The following VAV3 variants were observed in gnomAD, a reference collection of about 807,000 sequenced individuals.
VAV3 encodes the protein guanine nucleotide exchange factor VAV3.
A neutral mutation model predicts 131.2 loss-of-function variants in VAV3; 94 were observed. The ratio of observed to expected loss-of-function variants is 0.72; its 90% CI spans 0.61 to 0.85. VAV3 has a LOEUF of 0.85. VAV3 is among the 40% of genes least tolerant of loss of function. The pLI is 0.00. For synonymous variants in VAV3, 349 were observed against 342.0 expected (o/e 1.02, Z -0.22); for missense variants, 939 against 1,002.7 (o/e 0.94, Z 0.86).
chr1:107,738,788 T>C (rs1343927358), intron 15 of VAV3, among the ~76,000 whole-genome samples: 3 of 152,198 alleles, frequency 2.0e-5, no homozygotes, highest in Non-Finnish European at 4.4e-5. Context: ...GTGGAGACTT[T>C]GTCATATACT....
At chr1:107,743,053 A>G (rs1200328454) in intron 15 of VAV3, among the ~76,000 whole-genome samples, 1 of 152,142 alleles carries the variant, frequency 6.6e-6, no homozygotes, top group African/African-American at 2.4e-5. Context: ...ATTCTCTAAG[A>G]ACTGAAACAC....
At chr1:107,916,847 A>G (rs1291456312) in intron 1 of VAV3, among the ~76,000 whole-genome samples, 1 of 152,170 alleles carries the variant, frequency 6.6e-6, no homozygotes, top group Non-Finnish European at 1.5e-5. Context: ...GATTCAGGAG[A>G]AACATCATGG....
At chr1:107,722,754 C>A (rs763904698) in intron 15 of VAV3, among the ~76,000 whole-genome samples, 1 of 151,534 alleles carries the variant, frequency 6.6e-6, no homozygotes, top group Admixed American at 6.6e-5. Context: ...CTTTAAGATA[C>A]CTTGGGCTTC....
At chr1:107,804,008 G>T (rs80235198) in intron 2 of VAV3, among the ~76,000 whole-genome samples, 22,969 of 151,864 alleles carry the variant, frequency 0.15, 2,011 homozygotes, top group East Asian at 0.29. Context: ...TCTCTATTAG[G>T]CAGAGTCTAA....
At chr1:107,772,312 T>G (rs1665094577) in intron 5 of VAV3, among the ~76,000 whole-genome samples, 1 of 152,200 alleles carries the variant, frequency 6.6e-6, no homozygotes, top group South Asian at 2.1e-4. Context: ...TACCTCATAT[T>G]AACACTTAAC....
intron 1 of VAV3, among the ~76,000 whole-genome samples, chr1:107,941,324 T>C (rs945107075): frequency 1.3e-5 from 2 of 152,218 alleles, no homozygotes. Flanking sequence ...CACAATCTTT[T>C]ACAAGCAGAA....
chr1:107,857,893 C>G (rs1047706350), intron 2 of VAV3, among the ~76,000 whole-genome samples: 1 of 152,062 alleles, frequency 6.6e-6, no homozygotes, highest in African/African-American at 2.4e-5. Context: ...ATATGGACTA[C>G]ATGGGAAATT....
chr1:107,904,296 G>T (rs967457964), intron 1 of VAV3, among the ~76,000 whole-genome samples: 1 of 152,098 alleles, frequency 6.6e-6, no homozygotes, highest in African/African-American at 2.4e-5. Context: ...AAATGTATAC[G>T]TATGATGTGA....
chr1:107,704,525 A>C, intron 17 of VAV3, 25 bp downstream of exon 17: 1 of 1,584,360 alleles, frequency 6.3e-7, no homozygotes, highest in Non-Finnish European at 8.7e-7. Flanking sequence ...TTAAAAACAG[A>C]ATTGCAACAA....
chr1:107,942,948 A>G (rs1674073022), intron 1 of VAV3, among the ~76,000 whole-genome samples: 1 of 152,220 alleles, frequency 6.6e-6, no homozygotes, highest in Non-Finnish European at 1.5e-5. Flanking sequence ...AGAGCAAACA[A>G]AACTCACGTT....
chr1:107,733,825 T>G (rs953199148), intron 15 of VAV3, among the ~76,000 whole-genome samples: 1 of 152,126 alleles, frequency 6.6e-6, no homozygotes, highest in Non-Finnish European at 1.5e-5. Flanking sequence ...CTTCAAGATA[T>G]TAACCAGGAG....
At chr1:107,807,343 C>T (rs1181680930) in intron 2 of VAV3, among the ~76,000 whole-genome samples, 1 of 152,226 alleles carries the variant, frequency 6.6e-6, no homozygotes, top group Non-Finnish European at 1.5e-5. Flanking sequence ...AACTCTGCTG[C>T]TTCTCCCCTT....
chr1:107,822,161 G>A (rs973308798), intron 2 of VAV3, among the ~76,000 whole-genome samples: 1 of 152,254 alleles, frequency 6.6e-6, no homozygotes, highest in South Asian at 2.1e-4. Context: ...CTCCTGGTGG[G>A]TGAGAGTTCC....
intron 2 of VAV3, among the ~76,000 whole-genome samples, chr1:107,865,412 G>A (rs1669938855): frequency 6.6e-6 from 1 of 152,122 alleles, no homozygotes; most frequent in Admixed American, 6.5e-5. Context: ...TGTAATGAGT[G>A]TATGTGATCT....
At chr1:107,918,164 G>T (rs1350710464) in intron 1 of VAV3, among the ~76,000 whole-genome samples, 1 of 152,176 alleles carries the variant, frequency 6.6e-6, no homozygotes, top group African/African-American at 2.4e-5. Context: ...AGTGTGAAAA[G>T]CACCTTTGGG....
chr1:107,760,094 A>G (rs1664330508), intron 10 of VAV3, among the ~76,000 whole-genome samples: 1 of 152,222 alleles, frequency 6.6e-6, no homozygotes, highest in South Asian at 2.1e-4. Flanking sequence ...TATACAAAGC[A>G]CAGCCGACGC....
intron 1 of VAV3, among the ~76,000 whole-genome samples, chr1:107,896,217 A>G (rs1015638497): frequency 3.9e-5 from 6 of 152,202 alleles, no homozygotes; most frequent in African/African-American, 1.4e-4. Flanking sequence ...TACTGGACAT[A>G]TATCAAATGT....
At chr1:107,608,336 T>C (rs1652454274) in intron 22 of VAV3, among the ~76,000 whole-genome samples, 1 of 152,180 alleles carries the variant, frequency 6.6e-6, no homozygotes, top group Non-Finnish European at 1.5e-5. Flanking sequence ...CCTTTGTAAC[T>C]ATAATGCCCA....
At chr1:107,921,520 C>T (rs115446295) in intron 1 of VAV3, among the ~76,000 whole-genome samples, 421 of 152,278 alleles carry the variant, frequency 2.8e-3, no homozygotes, top group African/African-American at 9.3e-3. Context: ...ACTACACATA[C>T]GGCCTGGACA....
Sources: allele counts gnomAD v4.1 joint callset (sites outside exome capture counted in the v4.1 genomes callset), GRCh38; gene constraint gnomAD v4.1.1; transcripts MANE v1.5; gene names NCBI Gene and HGNC (gene_info 2026-07-23, HGNC 2026-07-21).